Variants in PIGN observed in about 807,000 individuals in gnomAD.
PIGN encodes the protein phosphatidylinositol glycan anchor biosynthesis class N.
A neutral mutation model predicts 125.4 loss-of-function variants in PIGN; 117 were observed. That is an observed-to-expected ratio of 0.93 (90% CI 0.80 to 1.09). The LOEUF (loss-of-function observed/expected upper bound fraction) is 1.09. PIGN is among the 50% of genes least tolerant of loss of function. The pLI is 0.00. For synonymous variants in PIGN, 392 were observed against 377.8 expected (o/e 1.04, Z -0.44); for missense variants, 1,075 against 1,094.9 (o/e 0.98, Z 0.26).
At chr18:62,106,958 A>C (rs1158502036) in intron 18 of PIGN, 28 bp downstream of exon 18, 1 of 1,542,148 alleles carries the variant, frequency 6.5e-7, no homozygotes, top group Non-Finnish European at 8.8e-7. Context: ...AGAAATTTGC[A>C]AATGTTGTAA....
intron 23 of PIGN, among the ~76,000 whole-genome samples, chr18:62,095,604 G>T (rs2146203346): frequency 6.6e-6 from 1 of 152,138 alleles, no homozygotes; most frequent in East Asian, 1.9e-4. Context: ...TGGTATTTTA[G>T]CAACTTCAGA....
rs570404508 is a variant in PIGN, at chr18:62,045,664, C to A, written c.*192G>T. 2.2e-6 allele frequency: 1 copy of A among 455,440 alleles called. No homozygotes were observed. 28.2% of individuals were successfully genotyped at this position (455,440 alleles called of 1,614,324 possible). ...CCACAGATATAATCACTATTTCATG[C>A]CTGCAAAACCTAGAAAAAAAAAGAA... On this transcript the variant is annotated 3_prime_UTR_variant, in exon 31 of 31. Coordinates refer to ENST00000640252, the MANE Select transcript of PIGN (RefSeq NM_176787.5).
intron 7 of PIGN, among the ~76,000 whole-genome samples, chr18:62,153,281 T>C (rs755997823): frequency 4.6e-5 from 7 of 152,206 alleles, no homozygotes; most frequent in Non-Finnish European, 8.8e-5. Context: ...TTCACATCAC[T>C]TACCAATGCT....
At chr18:62,035,017 T>G (rs2030240651) in intron 23 of PIGN, among the ~76,000 whole-genome samples, 1 of 152,160 alleles carries the variant, frequency 6.6e-6, no homozygotes, top group African/African-American at 2.4e-5. Context: ...GGGAGGTAAT[T>G]AAACCATGGG....
intron 28 of PIGN, among the ~76,000 whole-genome samples, chr18:62,081,722 C>T (rs1175526976): frequency 3.3e-5 from 5 of 152,132 alleles, no homozygotes; most frequent in African/African-American, 1.2e-4. Context: ...ATGTCATTCA[C>T]CAGTTTTTAT....
chr18:62,143,456 T>A, intron 10 of PIGN, 110 bp from the exon 11 acceptor site: 4 of 658,534 alleles, frequency 6.1e-6, no homozygotes, highest in Non-Finnish European at 1.1e-5. Flanking sequence ...GTTAGAAATG[T>A]CTATTTTAAG....
In PIGN at chr18:62,159,651, T is replaced by A. The variant is rs944184137; in HGVS notation, c.221+1482A>T. ...TCCTTCAATATGTTATGCATCTCTC[T>A]GAGCTATCGTAAATTTAGTTCTGAA... is the stretch of plus-strand genomic sequence containing the variant. On this transcript the variant is annotated intron_variant, in intron 4 of 30. Transcript: ENST00000640252. Among the ~76,000 whole-genome samples, 5 of 152,352 alleles carry A rather than the reference T, an allele frequency of 3.3e-5. No homozygotes were observed. The South Asian group carries it at 1.0e-3, about 32-fold the overall frequency.
chr18:62,091,012 T>C (rs1003213406), intron 23 of PIGN, among the ~76,000 whole-genome samples: 1 of 152,008 alleles, frequency 6.6e-6, no homozygotes, highest in Admixed American at 6.6e-5. Context: ...TGATAACATA[T>C]GGAAATGAAA....
intron 1 of PIGN, among the ~76,000 whole-genome samples, chr18:62,170,095 T>C (rs1378045626): frequency 6.6e-6 from 1 of 152,246 alleles, no homozygotes; most frequent in East Asian, 1.9e-4. Context: ...TAGCTTGTTG[T>C]GATTTTAATA....
At chr18:62,107,873 C>T (rs969385751) in intron 17 of PIGN, among the ~76,000 whole-genome samples, 2 of 152,082 alleles carry the variant, frequency 1.3e-5, no homozygotes, top group African/African-American at 4.8e-5. Flanking sequence ...AGCTAAATAA[C>T]CTTTTCCAAA....
rs1355691128 is a variant in PIGN, at chr18:62,041,640, G to GGGGGGTGTGT, written c.*4215_*4216insACACACCCCC. On this transcript the variant is annotated 3_prime_UTR_variant, in exon 31 of 31. Transcript: ENST00000640252. ...ATTACAGGAGCCTACCACCCCGCCGGGTGTGTGTGTGTGTGTGTGTGTGTG... is the reference window on the plus strand; with the variant it reads ...ATTACAGGAGCCTACCACCCCGCCGGGGGGGTGTGTGTGTGTGTGTGTGTGTGTGTGTGTG... 2 of 77,470 alleles carry GGGGGGTGTGT rather than the reference G, an allele frequency of 2.6e-5. No individual in the cohort carries two copies. Among genetic ancestry groups the GGGGGGTGTGT allele is most frequent in the Admixed American group, 1.5e-4 (1 of 6,744 alleles). 4.8% of individuals were successfully genotyped at this position (77,470 alleles called of 1,614,324 possible).
rs567672153 is a variant in PIGN at position 62,020,970 on chromosome 18, A to T, written c.2143-3229T>A. Among the ~76,000 whole-genome samples, 15 of 152,106 alleles carry T rather than the reference A, an allele frequency of 9.9e-5. No homozygotes were observed. The East Asian group carries it at 2.9e-3, about 29-fold the overall frequency. Reference sequence around the variant, plus strand: ...AGCGAGACTCTGTCTCAAAAAAAAAAAAAAAAAAATTTAAAGACTGAGCAT... The same window carrying T: ...AGCGAGACTCTGTCTCAAAAAAAAATAAAAAAAAATTTAAAGACTGAGCAT... On this transcript the variant is annotated intron_variant, in intron 23 of 24. Coordinates refer to the PIGN transcript ENST00000639600.
At chr18:62,073,599 T>C (rs574947834) in intron 29 of PIGN, among the ~76,000 whole-genome samples, 1 of 152,316 alleles carries the variant, frequency 6.6e-6, no homozygotes, top group Non-Finnish European at 1.5e-5. Context: ...TGTTTGTCAC[T>C]TTGCACAAAA....
Position 62,161,233 on chromosome 18 carries a change from G to A in PIGN, c.121C>T (p.Pro41Ser), listed in dbSNP as rs867624020. 7 of 1,613,816 alleles carry A rather than the reference G, an allele frequency of 4.3e-6. No individual in the cohort carries two copies. Among genetic ancestry groups the A allele is most frequent in the South Asian group, 1.1e-5 (1 of 91,078 alleles). Residue 41 changes from proline to serine, a missense_variant, in exon 4 of 31, where the codon CCT becomes TCT. This residue lies in a region of PIGN where 152 missense variants were observed against 162.9 expected (regional missense o/e 0.93). Coordinates refer to ENST00000640252, the MANE Select transcript of PIGN (RefSeq NM_176787.5). ...AACAACACTAATCTTCTCGCTGGAG[G>A]AGGCAATGGTGTAAACTGAGGAGTC... The part of the protein sequence containing the change: ...GMTPQFTPLP[P>S]PARRLVLFVA...
chr18:62,113,343 G>A (rs1294132547), intron 15 of PIGN, 27 bp from the exon 16 acceptor site: 1 of 1,513,350 alleles, frequency 6.6e-7, no homozygotes, highest in Admixed American at 2.3e-5. Context: ...TATATAACTT[G>A]CTAACAGAAA....
chr18:62,102,902 C>T lies in PIGN; in HGVS notation c.1860G>A (p.Val620=), dbSNP rs374172871. Residue 620 remains valine, a splice_region_variant and synonymous_variant, in exon 21 of 31, where the codon GTG becomes GTA. Coordinates refer to ENST00000640252, the MANE Select transcript of PIGN (RefSeq NM_176787.5). ...GAAGAACCAGCAAGCCTGCACCCAT[C>T]CTGTTTTGAAATACAATTAATTTTA... The part of the protein sequence containing the change: ...VVGRKPDISL[V]MGAGLLVLLL... 9.5e-5 allele frequency: 145 copies of T among 1,528,126 alleles called. No individual in the cohort carries two copies. In the African/African-American group the frequency reaches 1.9e-3, roughly 20 times the overall value. The allele number at this position is 1,528,126 out of a possible 1,614,324, so 94.7% of individuals were successfully genotyped here.
At chr18:62,058,246 T>C (rs983778065) in intron 30 of PIGN, among the ~76,000 whole-genome samples, 1 of 152,252 alleles carries the variant, frequency 6.6e-6, no homozygotes, top group African/African-American at 2.4e-5. Context: ...ACTTTGTTTG[T>C]TGTGGAATGT....
At chr18:62,166,142 A>G (rs2037126383) in intron 1 of PIGN, among the ~76,000 whole-genome samples, 1 of 152,218 alleles carries the variant, frequency 6.6e-6, no homozygotes, top group Admixed American at 6.5e-5. Context: ...GGAGAGCACA[A>G]GTGGAGGAGC....
chr18:62,033,508 A>G (rs2030220134), intron 23 of PIGN, among the ~76,000 whole-genome samples: 1 of 152,236 alleles, frequency 6.6e-6, no homozygotes, highest in African/African-American at 2.4e-5. Flanking sequence ...TGCCTTACAC[A>G]TGCTGATGGT....
Sources: allele counts gnomAD v4.1 joint callset (sites outside exome capture counted in the v4.1 genomes callset), GRCh38; gene constraint gnomAD v4.1.1; regional missense constraint gnomAD v4.1.1; transcripts MANE v1.5; gene names NCBI Gene and HGNC (gene_info 2026-07-23, HGNC 2026-07-21).